RIN2: variants seen among roughly 807,000 people sequenced by gnomAD.
The protein encoded by RIN2 is Ras and Rab interactor 2.
RIN2 carries 36 observed loss-of-function variants against 78.0 expected under a neutral mutation model. The observed-to-expected ratio is 0.46, with a 90% CI of 0.35 to 0.61. The LOEUF is 0.61. RIN2 is among the 20% of genes least tolerant of loss of function. RIN2 has a pLI of 0.00. For missense variants in RIN2, 1,087 were observed against 1,159.7 expected (o/e 0.94, Z 0.91); for synonymous variants, 466 against 466.8 (o/e 1.00, Z 0.02).
intron 4 of RIN2, among the ~76,000 whole-genome samples, chr20:19,943,944 A>G (rs946191422): frequency 3.4e-5 from 5 of 148,596 alleles, no homozygotes; most frequent in Non-Finnish European, 5.9e-5. Context: ...ATAGAATATT[A>G]CAGAGACATG....
rs1258081587 is a variant in RIN2 at position 19,975,082 on chromosome 20, C to T, written c.1057C>T (p.Pro353Ser). The change falls in exon 9 of 13, where the codon CCA (proline) becomes TCA (serine). Residue 353 changes from proline (P) to serine (S), a missense_variant. By Grantham distance (74) the Pro-to-Ser change is moderately conservative. Coordinates refer to ENST00000255006, the MANE Select transcript of RIN2 (RefSeq NM_018993.4). The surrounding 1 kb of genome is among the most constrained non-coding windows in gnomAD (Gnocchi z 4.9). Reference sequence around the variant, plus strand: ...GAACGTAGCTCTGCCTGGAACGAAACCAACTCCCATCCCTCCACCCCGGCT... The same window carrying T: ...GAACGTAGCTCTGCCTGGAACGAAATCAACTCCCATCCCTCCACCCCGGCT... ...HGNVALPGTK[P>S]TPIPPPRLKK... 1 of 1,613,376 alleles carries T rather than the reference C, an allele frequency of 6.2e-7. No individual in the cohort carries two copies. Among genetic ancestry groups the T allele is most frequent in the African/African-American group, 1.3e-5 (1 of 74,936 alleles).
At chr20:19,969,786 AC>A (rs2042048730) in intron 7 of RIN2, among the ~76,000 whole-genome samples, 1 of 147,388 alleles carries the variant, frequency 6.8e-6, no homozygotes. Context: ...AAACAAACAA[AC>A]CCTCCTTTTT....
intron 4 of RIN2, among the ~76,000 whole-genome samples, chr20:19,936,225 A>G (rs1235324944): frequency 2.0e-5 from 3 of 152,098 alleles, no homozygotes; most frequent in Admixed American, 6.5e-5. Context: ...TCTCTACAAA[A>G]CGATGGGGGT....
At chr20:19,892,128 A>G (rs2038495334) in intron 3 of RIN2, among the ~76,000 whole-genome samples, 1 of 152,216 alleles carries the variant, frequency 6.6e-6, no homozygotes, top group Admixed American at 6.5e-5. Context: ...TCAAATACCC[A>G]TGAAAATATT....
chr20:19,766,497 A>AG (rs1260397062), intron 1 of RIN2, among the ~76,000 whole-genome samples: 4 of 152,126 alleles, frequency 2.6e-5, no homozygotes, highest in Non-Finnish European at 4.4e-5. Flanking sequence ...TGCATACAGA[A>AG]GGGGTACTTC....
At chr20:19,952,163 C>A (rs2041343557) in intron 4 of RIN2, among the ~76,000 whole-genome samples, 1 of 152,202 alleles carries the variant, frequency 6.6e-6, no homozygotes, top group Non-Finnish European at 1.5e-5. Flanking sequence ...CAACTCAAGG[C>A]TAGAAGGCCA....
chr20:19,971,515 C>CA (rs2042107041), intron 8 of RIN2, among the ~76,000 whole-genome samples: 1 of 151,858 alleles, frequency 6.6e-6, no homozygotes, highest in Non-Finnish European at 1.5e-5. Flanking sequence ...TTAGCTTTTG[C>CA]AAAAAATGTT....
chr20:19,805,482 A>C (rs900460800), intron 2 of RIN2, among the ~76,000 whole-genome samples: 1 of 151,990 alleles, frequency 6.6e-6, no homozygotes, highest in African/African-American at 2.4e-5. Context: ...GCTCACTGCA[A>C]CCTCCACCTC....
At chr20:19,868,295 T>TA (rs1366769616) in intron 2 of RIN2, among the ~76,000 whole-genome samples, 1 of 152,246 alleles carries the variant, frequency 6.6e-6, no homozygotes, top group African/African-American at 2.4e-5. Flanking sequence ...AATTGGGACA[T>TA]ACGCGCTTTC....
At chr20:19,986,208 C>T (rs1247757910) in intron 9 of RIN2, among the ~76,000 whole-genome samples, 1 of 151,990 alleles carries the variant, frequency 6.6e-6, no homozygotes, top group African/African-American at 2.4e-5. Flanking sequence ...AATCCTTTTT[C>T]CTTCTCGCTT....
Position 19,942,072 on chromosome 20 carries a change from T to C in RIN2, c.158+6873T>C, listed in dbSNP as rs960694827. ...TTGTCATGAGCCGAGATCAAGCCACTGCACTCCAGCATGGGTGACAGAGTG... is the reference window on the plus strand; with the variant it reads ...TTGTCATGAGCCGAGATCAAGCCACCGCACTCCAGCATGGGTGACAGAGTG... On this transcript the variant is annotated intron_variant, in intron 4 of 12. Transcript: ENST00000255006. 9.1e-5 allele frequency among the ~76,000 whole-genome samples: 13 copies of C among 143,614 alleles called. No individual in the cohort carries two copies. The South Asian group carries it at 2.1e-3, about 24-fold the overall frequency. 94.2% of individuals were successfully genotyped at this position (143,614 alleles called of 152,430 possible). A position where few individuals can be genotyped will look rare whatever the true frequency, so the allele number is the denominator to read the frequency against.
intron 1 of RIN2, among the ~76,000 whole-genome samples, chr20:19,775,278 T>C (rs2034271945): frequency 6.6e-6 from 1 of 152,152 alleles, no homozygotes; most frequent in Admixed American, 6.5e-5. Flanking sequence ...AGTGCAAAAT[T>C]TTATGTTGCC....
Position 20,000,996 on chromosome 20 carries a change from G to A in RIN2, c.*60G>A, listed in dbSNP as rs986832716. On this transcript the variant is annotated 3_prime_UTR_variant, in exon 13 of 13. Transcript: ENST00000255006. ...GGGGAGCTGGAAGCCTTGCCTTCCC[G>A]CTTCTACATGCTTGAGCTTGAAAAG... 5.4e-5 allele frequency: 78 copies of A among 1,442,396 alleles called. No individual in the cohort carries two copies. The Admixed American group carries it at 1.4e-3, about 25-fold the overall frequency. The allele number at this position is 1,442,396 out of a possible 1,614,324, so 89.3% of individuals were successfully genotyped here. A position where few individuals can be genotyped will look rare whatever the true frequency, so the allele number is the denominator to read the frequency against.
chr20:19,785,793 T>A (rs2034658787), intron 1 of RIN2, among the ~76,000 whole-genome samples: 1 of 152,194 alleles, frequency 6.6e-6, no homozygotes, highest in Non-Finnish European at 1.5e-5. Flanking sequence ...TGTCAAACTT[T>A]CAGAGATAAA....
At chr20:19,954,258 A>G (rs1045418761) in intron 4 of RIN2, among the ~76,000 whole-genome samples, 4 of 152,166 alleles carry the variant, frequency 2.6e-5, no homozygotes, top group African/African-American at 9.7e-5. Context: ...ATTCAGTTTC[A>G]TTATCCATCC....
intron 3 of RIN2, among the ~76,000 whole-genome samples, chr20:19,916,390 G>A (rs748920289): frequency 2.6e-5 from 4 of 152,198 alleles, no homozygotes; most frequent in South Asian, 2.1e-4. Context: ...AAACCAAAGC[G>A]GGAGGATTGC....
intron 2 of RIN2, among the ~76,000 whole-genome samples, chr20:19,815,037 A>G (rs971560921): frequency 6.6e-6 from 1 of 152,190 alleles, no homozygotes; most frequent in Non-Finnish European, 1.5e-5. Context: ...AGAAACTCAA[A>G]TTTGTATCTG....
chr20:19,808,660 G>A (rs1255011933), intron 2 of RIN2, among the ~76,000 whole-genome samples: 1 of 152,186 alleles, frequency 6.6e-6, no homozygotes, highest in Non-Finnish European at 1.5e-5. Flanking sequence ...GTTCCGGTTA[G>A]CTGTCCACAG....
At chr20:19,799,937 T>C (rs2035187846) in intron 2 of RIN2, among the ~76,000 whole-genome samples, 190 bp downstream of exon 2, 1 of 152,160 alleles carries the variant, frequency 6.6e-6, no homozygotes, top group East Asian at 1.9e-4. Flanking sequence ...CATGATACAC[T>C]GGCAGCAGGG....
Sources: allele counts gnomAD v4.1 joint callset (sites outside exome capture counted in the v4.1 genomes callset), GRCh38; gene constraint gnomAD v4.1.1; non-coding constraint Gnocchi (gnomAD v3.1); transcripts MANE v1.5; gene names NCBI Gene and HGNC (gene_info 2026-07-23, HGNC 2026-07-21).